CADPS2: variants seen among roughly 807,000 people sequenced by gnomAD.
CADPS2 encodes the protein calcium-dependent secretion activator 2.
CADPS2 carries 93 observed loss-of-function variants against 172.5 expected under a neutral mutation model. The ratio of observed to expected loss-of-function variants is 0.54; its 90% CI spans 0.46 to 0.64. CADPS2 has a LOEUF of 0.64. CADPS2 is among the 30% of genes least tolerant of loss of function. The pLI is 0.00. For missense variants in CADPS2, 1,420 were observed against 1,565.9 expected (o/e 0.91, Z 1.57); for synonymous variants, 546 against 555.2 (o/e 0.98, Z 0.23).
intron 11 of CADPS2, among the ~76,000 whole-genome samples, chr7:122,489,584 C>T (rs1326793768): frequency 6.6e-6 from 1 of 151,912 alleles, no homozygotes; most frequent in Admixed American, 6.6e-5. Context: ...CTTTAAGGTA[C>T]AAGGGGAAAA....
intron 2 of CADPS2, among the ~76,000 whole-genome samples, chr7:122,711,801 T>C (rs1227945735): frequency 6.6e-6 from 1 of 151,956 alleles, no homozygotes; most frequent in African/African-American, 2.4e-5. Context: ...TACAGGCACG[T>C]GCCACCACAC....
At chr7:122,773,868 A>G (rs1355887118) in intron 1 of CADPS2, among the ~76,000 whole-genome samples, 1 of 152,076 alleles carries the variant, frequency 6.6e-6, no homozygotes. Flanking sequence ...AGCTCTTACT[A>G]GTTTTGTTCC....
At chr7:122,801,873 G>A (rs1391806040) in intron 1 of CADPS2, among the ~76,000 whole-genome samples, 1 of 151,776 alleles carries the variant, frequency 6.6e-6, no homozygotes, top group African/African-American at 2.4e-5. Context: ...ACAGGCGTGA[G>A]CCACTCTGCG....
At chr7:122,676,903 T>C in intron 2 of CADPS2, 1 of 468,114 alleles carries the variant, frequency 2.1e-6, no homozygotes, top group Non-Finnish European at 3.8e-6. Flanking sequence ...TGGCACTGTT[T>C]TGTGCCAGGC....
In CADPS2 at chr7:122,801,006, AAAG is replaced by A. The variant is rs1358973222; in HGVS notation, c.340-63941_340-63939del. Among the ~76,000 whole-genome samples the A allele has an allele frequency of 4.8e-4, 72 of 148,618 alleles. 2 individuals carry two copies. The highest frequency in any genetic ancestry group is 8.5e-4 in the South Asian group (4 of 4,720). On this transcript the variant is annotated intron_variant, in intron 1 of 29. Transcript: ENST00000449022. ...GACTCTGCCTCAAAAAAAAAAAAAA[AAAG>A]AAAATTCAAGTGAACTTCTTACCTT...
chr7:122,776,978 C>G (rs1265362823), intron 1 of CADPS2, among the ~76,000 whole-genome samples: 2 of 151,952 alleles, frequency 1.3e-5, no homozygotes, highest in African/African-American at 4.8e-5. Context: ...TAGTGTGACC[C>G]CATCTCTACA....
Position 122,441,508 on chromosome 7 carries a change from A to C in CADPS2, c.2352+4T>G. 1 of 1,520,744 alleles carries C rather than the reference A, an allele frequency of 6.6e-7. No homozygotes were observed. Among genetic ancestry groups the C allele is most frequent in the South Asian group, 1.3e-5 (1 of 79,618 alleles). The allele number at this position is 1,520,744 out of a possible 1,614,324, so 94.2% of individuals were successfully genotyped here. A position where few individuals can be genotyped will look rare whatever the true frequency, so the allele number is the denominator to read the frequency against. On this transcript the variant is annotated splice_donor_region_variant and intron_variant, in intron 16 of 29. Coordinates refer to ENST00000449022, the MANE Select transcript of CADPS2 (RefSeq NM_017954.11). ...AGTATTTATAAAGTAATGTTCAAACATACCCTTTCAAGTAATGAAAGTGTA... is the reference window on the plus strand; with the variant it reads ...AGTATTTATAAAGTAATGTTCAAACCTACCCTTTCAAGTAATGAAAGTGTA...
chr7:122,599,256 C>G (rs1431360068), intron 6 of CADPS2, among the ~76,000 whole-genome samples: 1 of 151,966 alleles, frequency 6.6e-6, no homozygotes, highest in Non-Finnish European at 1.5e-5. Flanking sequence ...AAATACCATA[C>G]AGCATAGAAT....
chr7:122,738,612 G>T (rs1483541275), intron 1 of CADPS2, among the ~76,000 whole-genome samples: 1 of 152,082 alleles, frequency 6.6e-6, no homozygotes, highest in Non-Finnish European at 1.5e-5. Context: ...ATGATTAAAG[G>T]ATTAGGAAGA....
In CADPS2 at chr7:122,581,160, C is replaced by A; in HGVS notation, c.1335+19G>T. 1 of 1,584,520 alleles carries A rather than the reference C, an allele frequency of 6.3e-7. No individual in the cohort carries two copies. Among genetic ancestry groups the A allele is most frequent in the Non-Finnish European group, 8.7e-7 (1 of 1,153,428 alleles). The stretch of plus-strand genomic sequence containing the variant: ...TTAAAACTGTTCTACCCTGGACACA[C>A]AGGCTGACCACAACTCACCCTTCCC... On this transcript the variant is annotated intron_variant, in intron 7 of 29. Coordinates refer to ENST00000449022, the MANE Select transcript of CADPS2 (RefSeq NM_017954.11).
chr7:122,732,775 T>A (rs1041331569), intron 2 of CADPS2, among the ~76,000 whole-genome samples: 24 of 143,836 alleles, frequency 1.7e-4, no homozygotes, highest in Admixed American at 5.1e-4. Context: ...TCAACATACA[T>A]TATGTATATA....
At chr7:122,443,272 G>A (rs1471472250) in intron 15 of CADPS2, among the ~76,000 whole-genome samples, 1 of 152,152 alleles carries the variant, frequency 6.6e-6, no homozygotes, top group Non-Finnish European at 1.5e-5. Flanking sequence ...AAGTAATCCT[G>A]AATCAATAAA....
At chr7:122,848,634 G>GT (rs1382562286) in intron 1 of CADPS2, among the ~76,000 whole-genome samples, 1 of 152,194 alleles carries the variant, frequency 6.6e-6, no homozygotes, top group East Asian at 1.9e-4. Context: ...TCAAATGCCT[G>GT]TTTTTTCCCC....
intron 1 of CADPS2, among the ~76,000 whole-genome samples, chr7:122,818,941 A>T (rs910605275): frequency 7.2e-5 from 11 of 152,134 alleles, no homozygotes; most frequent in Admixed American, 7.2e-4. Flanking sequence ...TTATTCTCAA[A>T]ATACATTTTA....
intron 7 of CADPS2, among the ~76,000 whole-genome samples, chr7:122,574,445 T>TTAAAAAAAAA (rs1458311901): frequency 0.017 from 659 of 37,950 alleles, 39 homozygotes; most frequent in African/African-American, 0.022. Flanking sequence ...GACCCTGTCT[T>TTAAAAAAAAA]AAAAAAAAAA....
chr7:122,799,941 A>C (rs1797241143), intron 1 of CADPS2, among the ~76,000 whole-genome samples: 1 of 152,230 alleles, frequency 6.6e-6, no homozygotes, highest in South Asian at 2.1e-4. Flanking sequence ...CTTACAAGCT[A>C]TGTGACTGTT....
intron 22 of CADPS2, among the ~76,000 whole-genome samples, chr7:122,392,641 T>C (rs1276470991): frequency 6.6e-6 from 1 of 152,086 alleles, no homozygotes; most frequent in Non-Finnish European, 1.5e-5. Context: ...TATTTAAAAA[T>C]ACCAAGATGT....
chr7:122,451,794 C>A (rs527417125), intron 14 of CADPS2, among the ~76,000 whole-genome samples: 15 of 152,150 alleles, frequency 9.9e-5, no homozygotes, highest in African/African-American at 3.6e-4. Flanking sequence ...AACATTTGAC[C>A]AACTAAGTGA....
chr7:122,451,448 C>G lies in CADPS2; in HGVS notation c.2214G>C (p.Val738=), dbSNP rs778292899. Residue 738 remains valine (V), a synonymous_variant, in exon 15 of 30, where the codon GTG becomes GTC. Transcript: ENST00000449022. The part of the protein sequence containing the change: ...NRPDGIGTVS[V]EEKERFEEIK... ...TCTCCTCAAATCTTTCTTTTTCTTC[C>G]ACTGAAACAGTCCCAATTCCATCAG... 5 of 1,582,798 alleles carry G rather than the reference C, an allele frequency of 3.2e-6. No individual in the cohort carries two copies. The highest frequency in any genetic ancestry group is 4.3e-6 in the Non-Finnish European group (5 of 1,163,988).
Sources: gnomAD v4.1 joint callset for allele counts (sites outside exome capture counted in the v4.1 genomes callset) on GRCh38, gnomAD v4.1.1 for gene constraint, MANE v1.5 for transcripts, NCBI Gene and HGNC (gene_info 2026-07-23, HGNC 2026-07-21) for gene names.